Variants in GLIS3 observed in about 807,000 individuals in gnomAD.
GLIS3 encodes the protein GLIS family zinc finger 3.
In GLIS3, 53 loss-of-function variants were observed where a neutral mutation model predicts 78.6. That is an observed-to-expected ratio of 0.67 (90% CI 0.54 to 0.85). The LOEUF (loss-of-function observed/expected upper bound fraction) is 0.85. Ranked by LOEUF, GLIS3 falls within the 40% of genes least tolerant of loss-of-function variation. The probability of loss-of-function intolerance (pLI) is 0.00; values close to 1 mark genes in which losing one functional copy is unlikely to be tolerated. For synonymous variants in GLIS3, 684 were observed against 509.9 expected (o/e 1.34, Z -4.60); for missense variants, 1,703 against 1,231.1 (o/e 1.38, Z -5.74).
At chr9:3,835,714 T>C (rs1201484613) in intron 9 of GLIS3, among the ~76,000 whole-genome samples, 1 of 152,258 alleles carries the variant, frequency 6.6e-6, no homozygotes, top group East Asian at 1.9e-4. Context: ...TGTAAAGTGC[T>C]GGGCATGTGC....
intron 4 of GLIS3, among the ~76,000 whole-genome samples, chr9:3,941,532 C>T (rs1012236746): frequency 2.0e-5 from 3 of 152,162 alleles, no homozygotes; most frequent in Admixed American, 6.5e-5. Context: ...CAAGTTCCCT[C>T]GGTGGCCTCC....
At chr9:4,086,084 G>A (rs1373213940) in intron 4 of GLIS3, among the ~76,000 whole-genome samples, 1 of 152,146 alleles carries the variant, frequency 6.6e-6, no homozygotes, top group South Asian at 2.1e-4. Flanking sequence ...AAACTTCACA[G>A]GATCAGAAAT....
At chr9:4,225,035 A>G (rs1028167610) in intron 2 of GLIS3, among the ~76,000 whole-genome samples, 1 of 151,762 alleles carries the variant, frequency 6.6e-6, no homozygotes. Context: ...CACATTTGCA[A>G]TCTCATTTGA....
chr9:4,179,992 C>T (rs1817159147), intron 2 of GLIS3, among the ~76,000 whole-genome samples: 1 of 152,116 alleles, frequency 6.6e-6, no homozygotes, highest in African/African-American at 2.4e-5. Context: ...GATATTTCTC[C>T]ATGAGCCTGC....
chr9:4,313,078 C>CA (rs976115928), intron 2 of GLIS3, among the ~76,000 whole-genome samples: 1 of 152,102 alleles, frequency 6.6e-6, no homozygotes, highest in African/African-American at 2.4e-5. Flanking sequence ...TTGGGGAAGA[C>CA]AAAAAAGCCT....
At chr9:4,218,731 T>A (rs1821072519) in intron 2 of GLIS3, among the ~76,000 whole-genome samples, 1 of 152,242 alleles carries the variant, frequency 6.6e-6, no homozygotes. Flanking sequence ...TAAATTTAAA[T>A]AGCCACATGT....
At chr9:4,207,542 A>G (rs2131287352) in intron 2 of GLIS3, among the ~76,000 whole-genome samples, 1 of 152,380 alleles carries the variant, frequency 6.6e-6, no homozygotes, top group African/African-American at 2.4e-5. Flanking sequence ...GTTAATAATA[A>G]CAGCTAAACA....
intron 4 of GLIS3, among the ~76,000 whole-genome samples, chr9:3,986,637 G>A (rs1819761028): frequency 6.6e-6 from 1 of 152,198 alleles, no homozygotes; most frequent in Non-Finnish European, 1.5e-5. Context: ...TCTCACCACA[G>A]GCCTCCTCCA....
the GLIS3 span, among the ~76,000 whole-genome samples, chr9:4,462,804 T>C: frequency 6.6e-6 from 1 of 152,032 alleles, no homozygotes; most frequent in East Asian, 1.9e-4. Context: ...AGCAAGATCT[T>C]GCCTCAAAAA....
the GLIS3 span, among the ~76,000 whole-genome samples, chr9:4,411,761 C>A: frequency 3.9e-5 from 6 of 152,208 alleles, no homozygotes; most frequent in African/African-American, 1.4e-4. Flanking sequence ...GCTTACAACA[C>A]CATCCACCAC....
intron 2 of GLIS3, among the ~76,000 whole-genome samples, chr9:4,241,944 A>C (rs980153934): frequency 1.3e-5 from 2 of 152,206 alleles, no homozygotes; most frequent in African/African-American, 4.8e-5. Flanking sequence ...TTGGCCTCCC[A>C]AAGTGCTGAG....
intron 2 of GLIS3, among the ~76,000 whole-genome samples, chr9:4,195,374 G>C (rs1818725196): frequency 6.6e-6 from 1 of 152,216 alleles, no homozygotes; most frequent in South Asian, 2.1e-4. Flanking sequence ...CGTGGGCTTG[G>C]CCGGCCCCAC....
At chr9:3,961,983 T>C (rs930715361) in intron 4 of GLIS3, among the ~76,000 whole-genome samples, 1 of 152,116 alleles carries the variant, frequency 6.6e-6, no homozygotes, top group African/African-American at 2.4e-5. Context: ...GGCAGGCGGA[T>C]TGCTTGGGGT....
chr9:4,261,206 G>A (rs970571000), intron 2 of GLIS3, among the ~76,000 whole-genome samples: 5 of 152,106 alleles, frequency 3.3e-5, no homozygotes, highest in Non-Finnish European at 5.9e-5. Flanking sequence ...AGTTCAACAC[G>A]GAAAATATTG....
the GLIS3 span, among the ~76,000 whole-genome samples, chr9:4,393,210 C>T: frequency 6.6e-6 from 1 of 152,142 alleles, no homozygotes; most frequent in Admixed American, 6.5e-5. Context: ...CTGTACATAC[C>T]TGTATGTCTC....
the GLIS3 span, among the ~76,000 whole-genome samples, chr9:4,388,809 A>T: frequency 6.6e-6 from 1 of 152,250 alleles, no homozygotes; most frequent in Non-Finnish European, 1.5e-5. Context: ...AAGCAGGAAA[A>T]GTATTTGAAT....
At chr9:4,238,803 G>A (rs985806003) in intron 2 of GLIS3, among the ~76,000 whole-genome samples, 2 of 152,074 alleles carry the variant, frequency 1.3e-5, no homozygotes, top group African/African-American at 4.8e-5. Flanking sequence ...AAAGCATTCC[G>A]TGAGTCAAGC....
intron 4 of GLIS3, among the ~76,000 whole-genome samples, chr9:3,994,230 G>A (rs900151281): frequency 1.3e-5 from 2 of 152,124 alleles, no homozygotes; most frequent in African/African-American, 2.4e-5. Context: ...TGATGCAGCC[G>A]GTAGTTTCTC....
chr9:4,129,680 C>T (rs1832827651), intron 2 of GLIS3, among the ~76,000 whole-genome samples: 1 of 152,100 alleles, frequency 6.6e-6, no homozygotes, highest in Admixed American at 6.5e-5. Context: ...AACCATGAGC[C>T]AATTAAATCA....
Sources: gnomAD v4.1 joint callset for allele counts (sites outside exome capture counted in the v4.1 genomes callset) on GRCh38, gnomAD v4.1.1 for gene constraint, MANE v1.5 for transcripts, NCBI Gene and HGNC (gene_info 2026-07-23, HGNC 2026-07-21) for gene names.